Variants in TRAPPC9 observed in about 807,000 individuals in gnomAD.
The protein encoded by TRAPPC9 is IKK2 binding protein.
TRAPPC9 carries 83 observed loss-of-function variants against 124.0 expected under a neutral mutation model. The observed-to-expected ratio is 0.67, with a 90% CI of 0.56 to 0.80. TRAPPC9 has a LOEUF of 0.80. TRAPPC9 is among the 30% of genes least tolerant of loss of function. The pLI is 0.00. For synonymous variants in TRAPPC9, 638 were observed against 617.5 expected (o/e 1.03, Z -0.49); for missense variants, 1,302 against 1,508.3 (o/e 0.86, Z 2.27).
chr8:140,036,350 G>C (rs1840876809), intron 17 of TRAPPC9, among the ~76,000 whole-genome samples: 1 of 152,136 alleles, frequency 6.6e-6, no homozygotes, highest in Non-Finnish European at 1.5e-5. Context: ...GTGTTCGGGG[G>C]GTGGCATGGA....
chr8:139,828,809 A>G (rs1825795951), intron 21 of TRAPPC9, among the ~76,000 whole-genome samples: 1 of 152,206 alleles, frequency 6.6e-6, no homozygotes, highest in Admixed American at 6.5e-5. Context: ...CCAGAGCCCA[A>G]CGTCTGAATC....
At chr8:139,909,315 T>G (rs1831560972) in intron 20 of TRAPPC9, among the ~76,000 whole-genome samples, 1 of 152,192 alleles carries the variant, frequency 6.6e-6, no homozygotes, top group South Asian at 2.1e-4. Flanking sequence ...TTCTATCTAC[T>G]TCTAGCAGCC....
At position 140,439,210 on chromosome 8, in the gene TRAPPC9, T is replaced by C. The variant is rs1564024589; in HGVS notation, c.585-13A>G. 6.2e-7 allele frequency: 1 copy of C among 1,613,818 alleles called. No homozygotes were observed. Among genetic ancestry groups the C allele is most frequent in the Non-Finnish European group, 8.5e-7 (1 of 1,179,908 alleles). On this transcript the variant is annotated splice_polypyrimidine_tract_variant and intron_variant, in intron 2 of 22. Coordinates refer to ENST00000438773, the MANE Select transcript of TRAPPC9 (RefSeq NM_001160372.4). ...CTTCTTGTAATGTCTAGAAAATACA[T>C]GAAAATGTATCTTTATTACTATACA...
intron 17 of TRAPPC9, among the ~76,000 whole-genome samples, chr8:140,075,531 T>C (rs1238958566): frequency 2.6e-5 from 4 of 152,230 alleles, no homozygotes; most frequent in Non-Finnish European, 2.9e-5. Flanking sequence ...TAGGAGGGTT[T>C]CAGCACCATG....
At chr8:140,321,451 CA>C (rs1160248534) in intron 9 of TRAPPC9, among the ~76,000 whole-genome samples, 1 of 152,192 alleles carries the variant, frequency 6.6e-6, no homozygotes. Context: ...TGCGCACTAA[CA>C]ATGAGAATGA....
chr8:140,107,806 C>T (rs1308194421), intron 17 of TRAPPC9, among the ~76,000 whole-genome samples: 1 of 152,188 alleles, frequency 6.6e-6, no homozygotes, highest in Non-Finnish European at 1.5e-5. Flanking sequence ...ATGCATGGCG[C>T]ACTCTGACTG....
At chr8:139,842,021 T>G (rs767543246) in intron 21 of TRAPPC9, among the ~76,000 whole-genome samples, 1 of 152,084 alleles carries the variant, frequency 6.6e-6, no homozygotes, top group African/African-American at 2.4e-5. Flanking sequence ...AACACAGCAG[T>G]GTGAGTCCAG....
intron 17 of TRAPPC9, among the ~76,000 whole-genome samples, chr8:140,120,882 C>T (rs973291355): frequency 3.3e-5 from 5 of 152,084 alleles, no homozygotes; most frequent in African/African-American, 1.2e-4. Context: ...TCCATTCATC[C>T]AACATCTATA....
chr8:140,445,631 C>T (rs2071221984), intron 2 of TRAPPC9, among the ~76,000 whole-genome samples: 1 of 152,230 alleles, frequency 6.6e-6, no homozygotes, highest in Non-Finnish European at 1.5e-5. Context: ...CACTGGATCC[C>T]TGCCCTGCAT....
At chr8:139,763,954 G>A (rs983923567) in intron 21 of TRAPPC9, among the ~76,000 whole-genome samples, 2 of 152,228 alleles carry the variant, frequency 1.3e-5, no homozygotes, top group African/African-American at 2.4e-5. Context: ...TAGCAGTATC[G>A]AGCATTTGAT....
At chr8:139,911,602 G>A (rs1419048551) in intron 19 of TRAPPC9, among the ~76,000 whole-genome samples, 2 of 152,104 alleles carry the variant, frequency 1.3e-5, no homozygotes, top group Non-Finnish European at 2.9e-5. Flanking sequence ...CTACTCAGGA[G>A]GCTGAGTCAG....
intron 17 of TRAPPC9, among the ~76,000 whole-genome samples, chr8:140,157,476 G>A (rs529340496): frequency 5.9e-5 from 9 of 152,286 alleles, no homozygotes; most frequent in South Asian, 2.1e-4. Flanking sequence ...AACGAATGAC[G>A]AAATGAGTGC....
chr8:140,170,476 T>C (rs1022458980), intron 17 of TRAPPC9, among the ~76,000 whole-genome samples: 1 of 152,196 alleles, frequency 6.6e-6, no homozygotes, highest in African/African-American at 2.4e-5. Flanking sequence ...GAAACACTTG[T>C]TGAGAATCTG....
At chr8:140,215,695 C>G (rs2063175563) in intron 17 of TRAPPC9, among the ~76,000 whole-genome samples, 1 of 151,906 alleles carries the variant, frequency 6.6e-6, no homozygotes, top group Admixed American at 6.6e-5. Flanking sequence ...GACTCCACCA[C>G]CCACAGACGC....
chr8:139,855,640 G>A (rs760084223), intron 21 of TRAPPC9, among the ~76,000 whole-genome samples: 25 of 152,178 alleles, frequency 1.6e-4, no homozygotes, highest in Non-Finnish European at 2.8e-4. Context: ...AGTCTTATGC[G>A]GTCAGCCCAG....
chr8:139,738,835 G>C (rs1165106927), intron 21 of TRAPPC9, among the ~76,000 whole-genome samples: 1 of 151,882 alleles, frequency 6.6e-6, no homozygotes, highest in Non-Finnish European at 1.5e-5. Context: ...GCTGGTCCTG[G>C]GGCAGACGGC....
intron 17 of TRAPPC9, among the ~76,000 whole-genome samples, chr8:140,172,674 G>A (rs531172424): frequency 4.6e-5 from 7 of 152,246 alleles, no homozygotes; most frequent in East Asian, 1.9e-4. Flanking sequence ...CAGAAATGCC[G>A]CACACTGTGC....
chr8:140,234,983 T>A (rs2131394635), intron 16 of TRAPPC9, among the ~76,000 whole-genome samples: 2 of 152,338 alleles, frequency 1.3e-5, no homozygotes, highest in South Asian at 4.1e-4. Flanking sequence ...CAATTTTTTT[T>A]TTCTGCGTTG....
intron 19 of TRAPPC9, among the ~76,000 whole-genome samples, chr8:139,975,570 A>C (rs1269339628): frequency 6.6e-6 from 1 of 152,138 alleles, no homozygotes; most frequent in African/African-American, 2.4e-5. Flanking sequence ...CCTCTTCAAA[A>C]ACCTACAAAT....
Sources: gnomAD v4.1 joint callset for allele counts (sites outside exome capture counted in the v4.1 genomes callset) on GRCh38, gnomAD v4.1.1 for gene constraint, MANE v1.5 for transcripts, NCBI Gene and HGNC (gene_info 2026-07-23, HGNC 2026-07-21) for gene names.